PUDP: variants seen among roughly 807,000 people sequenced by gnomAD.
The protein encoded by PUDP is pseudouridine-5'-phosphatase.
A neutral mutation model predicts 9.4 loss-of-function variants in PUDP; 8 were observed. That is an observed-to-expected ratio of 0.85 (90% CI 0.50 to 1.53). The LOEUF is 1.53. Among genes scored for constraint, PUDP ranks in the 40% most tolerant of loss-of-function variants. PUDP has a pLI of 0.00. For synonymous variants in PUDP, 99 were observed against 80.7 expected, an observed-to-expected ratio of 1.23 and a Z score of -1.22; for missense variants, 188 against 189.7, an observed-to-expected ratio of 0.99 and a Z score of 0.05.
At chrX:6,863,511 C>T (rs1216935814) in intron 3 of PUDP, among the ~76,000 whole-genome samples, 2 of 111,994 alleles carry the variant, frequency 1.8e-5, no homozygotes, top group African/African-American at 3.2e-5. Context: ...TGGAGTTACA[C>T]ATATTCAGCA....
chrX:6,808,552 C>T (rs1262438368), intron 3 of PUDP, among the ~76,000 whole-genome samples: 1 of 111,677 alleles, frequency 9.0e-6, no homozygotes, highest in Non-Finnish European at 1.9e-5. Context: ...CCACCCTTTG[C>T]TTGACAGAAT....
At chrX:6,775,819 G>A (rs1442669702) in intron 3 of PUDP, among the ~76,000 whole-genome samples, 2 of 111,205 alleles carry the variant, frequency 1.8e-5, no homozygotes, top group African/African-American at 3.3e-5. Context: ...CAGCGAGAAG[G>A]CCCCGTCTAT....
At chrX:6,911,468 AC>A (rs769449532) in intron 3 of PUDP, among the ~76,000 whole-genome samples, 3 of 111,952 alleles carry the variant, frequency 2.7e-5, no homozygotes, top group South Asian at 3.7e-4. Context: ...TGCTGGGATT[AC>A]AGGCGTGAGC....
chrX:7,130,555 T>C (rs1932592901), intron 1 of PUDP, among the ~76,000 whole-genome samples: 1 of 111,660 alleles, frequency 9.0e-6, no homozygotes, highest in African/African-American at 3.3e-5. Context: ...GGCTCATACC[T>C]GTAATCCCAG....
Position 6,916,235 on chromosome X carries a change from CA to C in PUDP, c.*247+60897del, listed in dbSNP as rs1569122770. Among the ~76,000 whole-genome samples the C allele has an allele frequency of 1.4e-3, 124 of 85,895 alleles. 1 individual carries two copies. The highest frequency in any genetic ancestry group is 5.1e-3 in the African/African-American group (113 of 22,033). The allele number at this position is 85,895 out of a possible 115,157, so 74.6% of individuals were successfully genotyped here. ...ACACACACACACACACACACACACA[CA>C]CACACACACACACCCTGGGGAACTG... On this transcript the variant is annotated intron_variant and NMD_transcript_variant, in intron 3 of 3. Transcript: ENST00000655425.
chrX:6,942,247 C>T (rs955015625), intron 3 of PUDP, among the ~76,000 whole-genome samples: 2 of 112,225 alleles, frequency 1.8e-5, no homozygotes, highest in Non-Finnish European at 3.8e-5. Context: ...AAGTTCTACT[C>T]TCTTAGCAAA....
intron 3 of PUDP, among the ~76,000 whole-genome samples, chrX:6,807,286 A>C (rs1396680450): frequency 1.8e-5 from 2 of 112,122 alleles, no homozygotes; most frequent in African/African-American, 6.5e-5. Context: ...AGGGACCTGC[A>C]CAGATGTCTT....
At chrX:6,808,200 A>G (rs1926084004) in intron 3 of PUDP, among the ~76,000 whole-genome samples, 1 of 111,719 alleles carries the variant, frequency 9.0e-6, no homozygotes, top group African/African-American at 3.3e-5. Context: ...AGTGATACAT[A>G]TCTAAGTTCC....
intron 3 of PUDP, among the ~76,000 whole-genome samples, chrX:6,933,812 G>A (rs1928247483): frequency 9.0e-6 from 1 of 111,582 alleles, no homozygotes; most frequent in South Asian, 3.8e-4. Flanking sequence ...TGAAAACCAA[G>A]GCTCGAGAAC....
chrX:7,107,113 T>G (rs1483886148), intron 1 of PUDP, among the ~76,000 whole-genome samples: 1 of 111,923 alleles, frequency 8.9e-6, no homozygotes, highest in East Asian at 2.8e-4. Flanking sequence ...AAAATCTGGA[T>G]TCAAATTCAG....
intron 3 of PUDP, among the ~76,000 whole-genome samples, chrX:6,912,708 G>C (rs768049853): frequency 2.6e-4 from 29 of 112,052 alleles, no homozygotes; most frequent in Middle Eastern, 4.6e-3. Context: ...CTAAGGAAGA[G>C]CCTAAAGGAA....
At chrX:7,103,904 T>C (rs1348882272) in intron 2 of PUDP, among the ~76,000 whole-genome samples, 2 of 111,371 alleles carry the variant, frequency 1.8e-5, no homozygotes, top group Non-Finnish European at 3.8e-5. Context: ...ATGGCAAGAG[T>C]TGATGAGAAT....
intron 1 of PUDP, among the ~76,000 whole-genome samples, chrX:7,039,649 C>T (rs752817295): frequency 1.0e-3 from 114 of 112,274 alleles, no homozygotes; most frequent in African/African-American, 3.4e-3. Context: ...ACCTTGATCT[C>T]AGACCTCTAG....
At chrX:7,090,661 T>G (rs1004472701) in intron 2 of PUDP, among the ~76,000 whole-genome samples, 1 of 111,929 alleles carries the variant, frequency 8.9e-6, no homozygotes, top group African/African-American at 3.2e-5. Flanking sequence ...ATTCAGGAAA[T>G]GTCCACTTCC....
intron 3 of PUDP, among the ~76,000 whole-genome samples, chrX:6,976,875 C>T (rs1245935031): frequency 8.9e-6 from 1 of 111,985 alleles, no homozygotes; most frequent in African/African-American, 3.2e-5. Context: ...TGAGGTGAAA[C>T]TCCTCTCCTC....
chrX:6,882,637 G>T (rs1053035501), intron 3 of PUDP, among the ~76,000 whole-genome samples: 1 of 111,634 alleles, frequency 9.0e-6, no homozygotes, highest in African/African-American at 3.3e-5. Context: ...CATGAGCGGT[G>T]GTTAAGGCAA....
chrX:6,994,477 A>C (rs5935706), intron 1 of PUDP, among the ~76,000 whole-genome samples: 1 of 112,384 alleles, frequency 8.9e-6, no homozygotes, highest in Admixed American at 9.5e-5. Flanking sequence ...CAATCTATGA[A>C]GAAAGACTGT....
chrX:6,752,400 G>C (rs1390525349), intron 3 of PUDP, among the ~76,000 whole-genome samples: 1 of 111,680 alleles, frequency 9.0e-6, no homozygotes, highest in Non-Finnish European at 1.9e-5. Flanking sequence ...ACTTTCACCT[G>C]AAGGTAGGGG....
chrX:6,742,763 A>G, intron 3 of PUDP, among the ~76,000 whole-genome samples: 1 of 111,791 alleles, frequency 8.9e-6, no homozygotes, highest in East Asian at 2.8e-4. Context: ...CGATAGAGCA[A>G]GACCCTGCCT....
Sources: gnomAD v4.1 joint callset for allele counts (sites outside exome capture counted in the v4.1 genomes callset) on GRCh38, gnomAD v4.1.1 for gene constraint, MANE v1.5 for transcripts, NCBI Gene and HGNC (gene_info 2026-07-23, HGNC 2026-07-21) for gene names.